ST8SIA5: variants seen among roughly 807,000 people sequenced by gnomAD.
The protein encoded by ST8SIA5 is ST8 alpha-N-acetyl-neuraminide alpha-2,8-sialyltransferase 5, also known as alpha-2,8-sialyltransferase 8E.
In ST8SIA5, 24 loss-of-function variants were observed where a neutral mutation model predicts 40.2. That is an observed-to-expected ratio of 0.60 (90% CI 0.43 to 0.84). The LOEUF (loss-of-function observed/expected upper bound fraction) is 0.84. Ranked by LOEUF, ST8SIA5 falls within the 40% of genes least tolerant of loss-of-function variation. The pLI is 0.00. For synonymous variants in ST8SIA5, 198 were observed against 201.8 expected (o/e 0.98, Z 0.16); for missense variants, 465 against 498.5 (o/e 0.93, Z 0.64).
At chr18:46,744,012 G>A (rs2040113546) in intron 1 of ST8SIA5, among the ~76,000 whole-genome samples, 2 of 152,194 alleles carry the variant, frequency 1.3e-5, no homozygotes, top group South Asian at 4.1e-4. Flanking sequence ...ACAAGCAAAT[G>A]CTGAGAGACT....
At chr18:46,693,356 C>T (rs948537779) in intron 2 of ST8SIA5, among the ~76,000 whole-genome samples, 38 of 152,122 alleles carry the variant, frequency 2.5e-4, no homozygotes, top group Non-Finnish European at 5.1e-4. Flanking sequence ...TCTCTTTCTC[C>T]CTTCTCAAGG....
At chr18:46,729,842 T>G (rs1328316987) in intron 1 of ST8SIA5, among the ~76,000 whole-genome samples, 1 of 142,150 alleles carries the variant, frequency 7.0e-6, no homozygotes, top group Non-Finnish European at 1.5e-5. Context: ...ATTTGGGAAA[T>G]GACCACCTTG....
At chr18:46,701,486 G>C (rs760031708) in intron 2 of ST8SIA5, among the ~76,000 whole-genome samples, 1 of 152,056 alleles carries the variant, frequency 6.6e-6, no homozygotes, top group Non-Finnish European at 1.5e-5. Context: ...ATCAGAGTGA[G>C]CCCTGATCCA....
chr18:46,744,630 C>A (rs1296511449), intron 1 of ST8SIA5, among the ~76,000 whole-genome samples: 1 of 152,050 alleles, frequency 6.6e-6, no homozygotes, highest in African/African-American at 2.4e-5. Flanking sequence ...ATTTTCACAC[C>A]CCACTGTCAA....
rs150627136 is a variant in ST8SIA5, at chr18:46,695,584, A to G, written c.225-3329T>C. On this transcript the variant is annotated intron_variant, in intron 2 of 6. Coordinates refer to ENST00000315087, the MANE Select transcript of ST8SIA5 (RefSeq NM_013305.6). ...AAGCATCCAGTACATATAAGTTATT[A>G]GTATTGTTACACTGAACTGCCCTGA... is the stretch of plus-strand genomic sequence containing the variant. Among the ~76,000 whole-genome samples, 684 of 152,342 alleles carry G rather than the reference A, an allele frequency of 4.5e-3. 8 individuals are homozygous for G. The highest frequency in any genetic ancestry group is 0.016 in the African/African-American group (660 of 41,580).
intron 3 of ST8SIA5, among the ~76,000 whole-genome samples, chr18:46,691,168 T>C (rs2039501597): frequency 6.6e-6 from 1 of 152,236 alleles, no homozygotes; most frequent in Non-Finnish European, 1.5e-5. Context: ...TAGGTGAGTC[T>C]CTGCAAACTA....
At chr18:46,707,566 G>A (rs2039682161) in intron 1 of ST8SIA5, among the ~76,000 whole-genome samples, 1 of 152,130 alleles carries the variant, frequency 6.6e-6, no homozygotes, top group African/African-American at 2.4e-5. Flanking sequence ...ATGACCTTGT[G>A]CCGTGGTTTT....
chr18:46,730,149 C>G (rs549492800), intron 1 of ST8SIA5: 1 of 985,032 alleles, frequency 1.0e-6, no homozygotes, highest in African/African-American at 1.7e-5. Flanking sequence ...TTAACACCAG[C>G]CCCAGAAGTG....
intron 1 of ST8SIA5, among the ~76,000 whole-genome samples, chr18:46,710,366 T>A (rs143490852): frequency 4.4e-5 from 1 of 22,926 alleles, no homozygotes; most frequent in South Asian, 1.3e-3. Flanking sequence ...TTCTTTCTTT[T>A]CTTTCTTTCT....
intron 5 of ST8SIA5, among the ~76,000 whole-genome samples, chr18:46,685,688 C>A (rs1223569550): frequency 6.6e-6 from 1 of 152,154 alleles, no homozygotes; most frequent in Non-Finnish European, 1.5e-5. Context: ...CTTCTTCACC[C>A]CAGCTAAAGA....
intron 1 of ST8SIA5, among the ~76,000 whole-genome samples, chr18:46,734,173 G>A (rs760329736): frequency 3.3e-5 from 5 of 152,132 alleles, no homozygotes; most frequent in East Asian, 3.9e-4. Context: ...CAGGTTCTGC[G>A]CTCCCTTGCC....
chr18:46,745,085 T>C (rs2040126080), intron 1 of ST8SIA5, among the ~76,000 whole-genome samples: 1 of 152,216 alleles, frequency 6.6e-6, no homozygotes, highest in African/African-American at 2.4e-5. Context: ...GGGAAATTTA[T>C]AGCACTAAAT....
chr18:46,699,457 G>A (rs949524806), intron 2 of ST8SIA5, among the ~76,000 whole-genome samples: 3 of 151,222 alleles, frequency 2.0e-5, no homozygotes, highest in South Asian at 2.1e-4. Flanking sequence ...TCGGCTCACT[G>A]CAAGCTCCGC....
At chr18:46,701,456 A>G (rs1467117451) in intron 2 of ST8SIA5, among the ~76,000 whole-genome samples, 4 of 152,092 alleles carry the variant, frequency 2.6e-5, no homozygotes, top group Non-Finnish European at 5.9e-5. Context: ...TTAAAGAGGT[A>G]ATAAAGTTAA....
chr18:46,695,219 G>GTT (rs2039546871), intron 2 of ST8SIA5, among the ~76,000 whole-genome samples: 4 of 151,940 alleles, frequency 2.6e-5, no homozygotes, highest in Non-Finnish European at 5.9e-5. Context: ...GGCATGTCCT[G>GTT]TGTTTAATTG....
intron 1 of ST8SIA5, among the ~76,000 whole-genome samples, chr18:46,716,279 G>C (rs1262796438): frequency 6.6e-6 from 1 of 152,136 alleles, no homozygotes; most frequent in Non-Finnish European, 1.5e-5. Flanking sequence ...TACATGTAAG[G>C]CACCCAGTAT....
At chr18:46,696,612 T>C (rs1568255745) in intron 2 of ST8SIA5, among the ~76,000 whole-genome samples, 1 of 152,224 alleles carries the variant, frequency 6.6e-6, no homozygotes, top group Non-Finnish European at 1.5e-5. Context: ...GTAAGTTGGA[T>C]ATAACGGCTG....
chr18:46,756,285 C>A, intron 1 of ST8SIA5, 93 bp downstream of exon 1: 7 of 1,540,182 alleles, frequency 4.5e-6, no homozygotes, highest in Non-Finnish European at 6.1e-6. Flanking sequence ...CCACTCACCC[C>A]GGGGCGCTGC....
rs981860606 is a variant in ST8SIA5 at position 46,676,601 on chromosome 18, C to G, written c.*3441G>C. 5.9e-5 allele frequency: 9 copies of G among 152,228 alleles called. No individual in the cohort carries two copies. The highest frequency in any genetic ancestry group is 2.2e-4 in the African/African-American group (9 of 41,454). The allele number at this position is 152,228 out of a possible 1,614,324, so 9.4% of individuals were successfully genotyped here. On this transcript the variant is annotated 3_prime_UTR_variant, in exon 7 of 7. Transcript: ENST00000315087. ...CGCAGCAGCATTGCTGAAATGGTCT[C>G]AGACGCTGCCTCTGACCTTGAGCCA... is the stretch of plus-strand genomic sequence containing the variant.
Sources: allele counts gnomAD v4.1 joint callset (sites outside exome capture counted in the v4.1 genomes callset), GRCh38; gene constraint gnomAD v4.1.1; transcripts MANE v1.5; gene names NCBI Gene and HGNC (gene_info 2026-07-23, HGNC 2026-07-21).